The following SAMD12 variants were observed in gnomAD, a reference collection of about 807,000 sequenced individuals.
SAMD12 encodes the protein sterile alpha motif domain containing 12.
SAMD12 carries 9 observed loss-of-function variants against 15.0 expected under a neutral mutation model. That is an observed-to-expected ratio of 0.60 (90% CI 0.36 to 1.05). SAMD12 has a LOEUF of 1.05. Ranked by LOEUF, SAMD12 falls within the 50% of genes least tolerant of loss-of-function variation. SAMD12 has a pLI of 0.01. For synonymous variants in SAMD12, 86 were observed against 90.1 expected (o/e 0.96, Z 0.25); for missense variants, 230 against 234.2 (o/e 0.98, Z 0.12).
chr8:118,567,448 A>G (rs190981597), intron 2 of SAMD12, among the ~76,000 whole-genome samples: 1 of 152,270 alleles, frequency 6.6e-6, no homozygotes, highest in African/African-American at 2.4e-5. Flanking sequence ...TTCCTCATCT[A>G]TTCAGTACAA....
intron 3 of SAMD12, among the ~76,000 whole-genome samples, chr8:118,414,754 CAAAGAATTTTCTAATTA>C (rs1454717717): frequency 1.3e-5 from 2 of 152,076 alleles, no homozygotes; most frequent in Non-Finnish European, 2.9e-5. Context: ...ACCCTATCCG[CAAAGAATTTTCTAATTA>C]AAAGTACAAG....
intron 1 of SAMD12, among the ~76,000 whole-genome samples, chr8:118,613,135 C>CAA (rs2131319147): frequency 6.6e-6 from 1 of 152,258 alleles, no homozygotes; most frequent in Non-Finnish European, 1.5e-5. Flanking sequence ...GTAGTGGTTA[C>CAA]AAGACTATAC....
At chr8:118,278,116 A>G (rs899520376) in intron 4 of SAMD12, among the ~76,000 whole-genome samples, 1 of 152,210 alleles carries the variant, frequency 6.6e-6, no homozygotes, top group Non-Finnish European at 1.5e-5. Flanking sequence ...AGCAATTTTC[A>G]TTAATTGTCA....
chr8:118,336,150 A>G (rs1817046617), intron 4 of SAMD12, among the ~76,000 whole-genome samples: 1 of 152,210 alleles, frequency 6.6e-6, no homozygotes, highest in South Asian at 2.1e-4. Flanking sequence ...ACATGATCAG[A>G]GAGTGACGGC....
At chr8:118,553,746 A>T (rs1224659216) in intron 2 of SAMD12, among the ~76,000 whole-genome samples, 1 of 151,578 alleles carries the variant, frequency 6.6e-6, no homozygotes, top group African/African-American at 2.4e-5. Context: ...TGAACAGGCA[A>T]CCCACAAAAT....
intron 1 of SAMD12, among the ~76,000 whole-genome samples, chr8:118,600,890 T>C (rs1827847795): frequency 6.6e-6 from 1 of 152,172 alleles, no homozygotes; most frequent in Non-Finnish European, 1.5e-5. Context: ...TGTGTTATGT[T>C]AAAAGAGGAT....
chr8:118,268,879 C>T (rs1335782982), intron 4 of SAMD12, among the ~76,000 whole-genome samples: 1 of 152,176 alleles, frequency 6.6e-6, no homozygotes, highest in Non-Finnish European at 1.5e-5. Context: ...GAAGTCTCTC[C>T]TGGAGCCTTG....
intron 4 of SAMD12, among the ~76,000 whole-genome samples, chr8:118,240,614 G>C (rs1156263429): frequency 6.6e-6 from 1 of 152,056 alleles, no homozygotes; most frequent in African/African-American, 2.4e-5. Context: ...TAAACACAAT[G>C]CTTGGCACCT....
intron 4 of SAMD12, among the ~76,000 whole-genome samples, chr8:118,286,860 G>A (rs982159848): frequency 1.3e-5 from 2 of 152,142 alleles, no homozygotes; most frequent in African/African-American, 2.4e-5. Flanking sequence ...TTTCTGTAAT[G>A]GGAATTTCAT....
At chr8:118,586,893 G>A (rs771470822) in intron 1 of SAMD12, among the ~76,000 whole-genome samples, 12 of 152,264 alleles carry the variant, frequency 7.9e-5, no homozygotes, top group South Asian at 2.1e-4. Flanking sequence ...GTACTGATGC[G>A]TAACATATAT....
intron 4 of SAMD12, among the ~76,000 whole-genome samples, chr8:118,362,866 T>C (rs1334965072): frequency 6.6e-6 from 1 of 152,186 alleles, no homozygotes; most frequent in African/African-American, 2.4e-5. Context: ...AATGCTATGC[T>C]GACATCTCTG....
chr8:118,149,424 A>G, the SAMD12 span, among the ~76,000 whole-genome samples: 5 of 152,176 alleles, frequency 3.3e-5, no homozygotes, highest in Non-Finnish European at 7.3e-5. Context: ...CTTATTTTCC[A>G]TCTGTATATA....
chr8:118,389,023 G>A (rs1820123159), intron 3 of SAMD12, among the ~76,000 whole-genome samples: 1 of 152,158 alleles, frequency 6.6e-6, no homozygotes, highest in Admixed American at 6.5e-5. Flanking sequence ...AGCTAGTTGA[G>A]CTCACTTGTA....
intron 4 of SAMD12, among the ~76,000 whole-genome samples, chr8:118,240,392 G>C (rs1812537430): frequency 6.6e-6 from 1 of 152,174 alleles, no homozygotes; most frequent in Admixed American, 6.5e-5. Flanking sequence ...AGCAGCAGTG[G>C]ATAACTCATA....
At chr8:118,548,713 G>A (rs1390593840) in intron 2 of SAMD12, among the ~76,000 whole-genome samples, 1 of 152,262 alleles carries the variant, frequency 6.6e-6, no homozygotes. Context: ...GCGAGCCGAA[G>A]CAGGGCGAGG....
At chr8:118,479,552 C>T (rs1379951018) in intron 2 of SAMD12, among the ~76,000 whole-genome samples, 1 of 152,126 alleles carries the variant, frequency 6.6e-6, no homozygotes, top group African/African-American at 2.4e-5. Flanking sequence ...CCACCGGGTC[C>T]CTCCCACAAC....
intron 4 of SAMD12, among the ~76,000 whole-genome samples, chr8:118,309,713 T>C (rs1224853870): frequency 6.6e-6 from 1 of 152,192 alleles, no homozygotes; most frequent in Non-Finnish European, 1.5e-5. Context: ...AGAGTTATCT[T>C]TGCTTAGAAT....
chr8:118,286,437 C>T (rs1405898817), intron 4 of SAMD12, among the ~76,000 whole-genome samples: 1 of 152,212 alleles, frequency 6.6e-6, no homozygotes, highest in African/African-American at 2.4e-5. Flanking sequence ...TCCTGTTTCT[C>T]AGCAATCTCT....
chr8:118,580,087 T>C (rs1465157871), intron 2 of SAMD12, among the ~76,000 whole-genome samples: 1 of 152,160 alleles, frequency 6.6e-6, no homozygotes, highest in Non-Finnish European at 1.5e-5. Context: ...CAGAATAAAA[T>C]AATTTTCTCT....
Sources: allele counts gnomAD v4.1 joint callset (sites outside exome capture counted in the v4.1 genomes callset), GRCh38; gene constraint gnomAD v4.1.1; transcripts MANE v1.5; gene names NCBI Gene and HGNC (gene_info 2026-07-23, HGNC 2026-07-21).